GOLGA4: variants seen among roughly 807,000 people sequenced by gnomAD.
The protein encoded by GOLGA4 is golgin subfamily A member 4.
In GOLGA4, 169 loss-of-function variants were observed where a neutral mutation model predicts 265.9. The ratio of observed to expected loss-of-function variants is 0.64; its 90% CI spans 0.56 to 0.72. The LOEUF is 0.72. Among genes scored for constraint, GOLGA4 ranks in the 30% least tolerant of loss-of-function variants. The pLI is 0.00. For synonymous variants in GOLGA4, 923 were observed against 855.8 expected (o/e 1.08, Z -1.37); for missense variants, 2,482 against 2,483.4 (o/e 1.00, Z 0.01).
intron 3 of GOLGA4, among the ~76,000 whole-genome samples, chr3:37,282,606 T>C (rs1283312495): frequency 1.3e-5 from 2 of 152,224 alleles, no homozygotes; most frequent in African/African-American, 4.8e-5. Flanking sequence ...TTCTGGCTCA[T>C]ATCCTCTCCT....
chr3:37,311,465 A>G (rs189429591), intron 10 of GOLGA4, among the ~76,000 whole-genome samples: 72 of 152,304 alleles, frequency 4.7e-4, no homozygotes, highest in Admixed American at 1.6e-3. Context: ...TTATTGCCCA[A>G]TGGAGCTCGA....
intron 2 of GOLGA4, among the ~76,000 whole-genome samples, chr3:37,266,310 C>T (rs2096783560): frequency 6.6e-6 from 1 of 152,098 alleles, no homozygotes; most frequent in Non-Finnish European, 1.5e-5. Context: ...AGCGATTCTC[C>T]TGCCTCAGCC....
At chr3:37,349,654 A>G (rs2097067472) in intron 21 of GOLGA4, among the ~76,000 whole-genome samples, 1 of 152,172 alleles carries the variant, frequency 6.6e-6, no homozygotes, top group East Asian at 1.9e-4. Context: ...GGGATTTACA[A>G]GATCAGAGCT....
rs751461950 is a variant in GOLGA4 at position 37,326,937 on chromosome 3, G to A, written c.5051G>A (p.Arg1684Lys). 6.8e-6 allele frequency: 11 copies of A among 1,613,790 alleles called. No individual in the cohort carries two copies. In the Admixed American group the frequency reaches 1.0e-4, roughly 15 times the overall value. ...GAGCTAAATACAAAATTGCAGGAAAGAGAAAGGGAAGTTCACATCTTGGAA... is the reference window on the plus strand; with the variant it reads ...GAGCTAAATACAAAATTGCAGGAAAAAGAAAGGGAAGTTCACATCTTGGAA... ...LSELNTKLQE[R>K]EREVHILEEK... is the part of the protein sequence containing the mutation. The change falls in exon 14 of 24, where the codon AGA becomes AAA. Residue 1684 changes from arginine (R) to lysine (K), a missense_variant. Around this residue, in one of 3 missense-constraint regions of GOLGA4, gnomAD observed 942 missense variants for 983.1 expected, o/e 0.96. Coordinates refer to ENST00000361924, the MANE Select transcript of GOLGA4 (RefSeq NM_002078.5).
intron 2 of GOLGA4, chr3:37,276,313 G>A: frequency 1.9e-6 from 3 of 1,603,562 alleles, no homozygotes; most frequent in South Asian, 2.2e-5. Flanking sequence ...CAAATTTAAG[G>A]AAAAATGTCC....
intron 15 of GOLGA4, among the ~76,000 whole-genome samples, 188 bp from the exon 16 acceptor site, chr3:37,328,775 C>T (rs541329920): frequency 7.8e-4 from 118 of 152,234 alleles, no homozygotes; most frequent in African/African-American, 2.8e-3. Context: ...TGTAAAGACA[C>T]TTTTGCTCAG....
Position 37,302,165 on chromosome 3 carries a change from G to T in GOLGA4, c.1087-20G>T. On this transcript the variant is annotated intron_variant, in intron 9 of 23. Transcript: ENST00000361924. ...GCAGTTTTGTTATGCAAATGTTTTA[G>T]AGTCTTCACTTCTATTCAGGGAATG... 1 of 1,607,018 alleles carries T rather than the reference G, an allele frequency of 6.2e-7. No individual in the cohort carries two copies. Among genetic ancestry groups the T allele is most frequent in the Non-Finnish European group, 8.5e-7 (1 of 1,174,606 alleles).
At chr3:37,306,930 A>G (rs529662704) in intron 10 of GOLGA4, among the ~76,000 whole-genome samples, 2 of 152,226 alleles carry the variant, frequency 1.3e-5, no homozygotes, top group Admixed American at 6.5e-5. Flanking sequence ...ATTCTTAACC[A>G]TAGACTTTTA....
At chr3:37,350,623 T>C (rs532144195) in intron 21 of GOLGA4, among the ~76,000 whole-genome samples, 1 of 152,236 alleles carries the variant, frequency 6.6e-6, no homozygotes, top group African/African-American at 2.4e-5. Flanking sequence ...TATTTCTCTT[T>C]CCATTTCATG....
rs1398222904 is a variant in GOLGA4 at position 37,325,290 on chromosome 3, A to G, written c.3404A>G (p.His1135Arg). ...LAQDETKLKA[H>R]LEKLEVDLNK... ...CAAGATGAAACTAAACTGAAAGCTCATCTTGAAAAGCTAGAGGTTGACTTG... is the reference window on the plus strand; with the variant it reads ...CAAGATGAAACTAAACTGAAAGCTCGTCTTGAAAAGCTAGAGGTTGACTTG... The change falls in exon 14 of 24, where the codon CAT (histidine) becomes CGT (arginine). Residue 1135 changes from histidine (H) to arginine (R), a missense_variant. Transcript: ENST00000361924. The G allele has an allele frequency of 2.5e-6, 4 of 1,612,748 alleles. No homozygotes were observed. Among genetic ancestry groups the G allele is most frequent in the Non-Finnish European group, 3.4e-6 (4 of 1,178,972 alleles).
At chr3:37,275,848 T>C in intron 2 of GOLGA4, 1 of 1,613,800 alleles carries the variant, frequency 6.2e-7, no homozygotes, top group South Asian at 1.1e-5. Flanking sequence ...CAGTTAATGC[T>C]ATTCGCAAGC....
intron 2 of GOLGA4, among the ~76,000 whole-genome samples, chr3:37,274,116 AGATAAT>A: frequency 8.6e-5 from 13 of 151,072 alleles, no homozygotes; most frequent in African/African-American, 3.2e-4. Flanking sequence ...AAAAAAAAAA[AGATAAT>A]AATAATAATT....
At chr3:37,360,262 G>A (rs574511913) in intron 22 of GOLGA4, among the ~76,000 whole-genome samples, 1 of 152,078 alleles carries the variant, frequency 6.6e-6, no homozygotes, top group African/African-American at 2.4e-5. Flanking sequence ...ATGATTATAT[G>A]GATGTCCTAC....
intron 5 of GOLGA4, among the ~76,000 whole-genome samples, chr3:37,293,941 A>G (rs2096871482): frequency 2.0e-5 from 3 of 152,266 alleles, no homozygotes; most frequent in Admixed American, 2.0e-4. Context: ...CAGTTGTAAC[A>G]CAATGGTAAG....
chr3:37,259,079 A>C (rs1007690300), intron 2 of GOLGA4, among the ~76,000 whole-genome samples: 1 of 152,138 alleles, frequency 6.6e-6, no homozygotes, highest in African/African-American at 2.4e-5. Context: ...GTTTGGTAGA[A>C]TCTACCATTG....
At chr3:37,362,573 A>G (rs1404815524) in intron 23 of GOLGA4, among the ~76,000 whole-genome samples, 1 of 151,210 alleles carries the variant, frequency 6.6e-6, no homozygotes, top group East Asian at 2.0e-4. Context: ...TAAAGCCTTT[A>G]TCACCCTGGC....
chr3:37,244,314 A>G (rs2096712642), intron 1 of GOLGA4: 1 of 152,072 alleles, frequency 6.6e-6, no homozygotes, highest in African/African-American at 2.4e-5. Flanking sequence ...GCCTGTCCGG[A>G]GCTCTGCTCT....
At chr3:37,345,723 C>T (rs961373288) in intron 20 of GOLGA4, among the ~76,000 whole-genome samples, 7 of 152,064 alleles carry the variant, frequency 4.6e-5, no homozygotes, top group Non-Finnish European at 7.4e-5. Flanking sequence ...CCAAGGCAGG[C>T]GAATCATGAG....
chr3:37,332,130 C>T (rs549795547), intron 16 of GOLGA4, among the ~76,000 whole-genome samples: 3 of 152,300 alleles, frequency 2.0e-5, no homozygotes, highest in African/African-American at 7.2e-5. Flanking sequence ...TTTATTACTT[C>T]TCCTCCTAAA....
Sources: gnomAD v4.1 joint callset for allele counts (sites outside exome capture counted in the v4.1 genomes callset) on GRCh38, gnomAD v4.1.1 for gene constraint, gnomAD v4.1.1 regional missense constraint, MANE v1.5 for transcripts, NCBI Gene and HGNC (gene_info 2026-07-23, HGNC 2026-07-21) for gene names.